Variants in PTPRF observed in about 807,000 individuals in gnomAD.
The protein encoded by PTPRF is protein tyrosine phosphatase receptor type F, also known as receptor-type tyrosine-protein phosphatase F.
In PTPRF, 59 loss-of-function variants were observed where a neutral mutation model predicts 201.8. The ratio of observed to expected loss-of-function variants is 0.29; its 90% CI spans 0.24 to 0.36. The LOEUF (loss-of-function observed/expected upper bound fraction) is 0.36, where lower values mean the gene tolerates loss of function less well. Among genes scored for constraint, PTPRF ranks in the 10% least tolerant of loss-of-function variants. The probability of loss-of-function intolerance (pLI) is 1.00; values close to 1 mark genes in which losing one functional copy is unlikely to be tolerated. For synonymous variants in PTPRF, 1,088 were observed against 1,089.7 expected, an observed-to-expected ratio of 1.00 and a Z score of 0.03; for missense variants, 2,132 against 2,690.5, an observed-to-expected ratio of 0.79 and a Z score of 4.59.
chr1:43,614,372 A>G (rs1341091603), intron 23 of PTPRF, among the ~76,000 whole-genome samples: 2 of 152,180 alleles, frequency 1.3e-5, no homozygotes, highest in African/African-American at 4.8e-5. Flanking sequence ...CTCAGGCTGT[A>G]CAAGTCCCGC....
rs1644112068 is a variant in PTPRF at position 43,537,734 on chromosome 1, A to C, written c.-125-464A>C. The stretch of plus-strand genomic sequence containing the variant: ...AGAGCATGGGTAGCCTGTGCCAGGC[A>C]GTGGCATTCAGCACTGGCAAGGCTG... On this transcript the variant is annotated intron_variant, in intron 1 of 33. Coordinates refer to ENST00000359947, the MANE Select transcript of PTPRF (RefSeq NM_002840.5). The surrounding 1 kb of genome is among the most constrained non-coding windows in gnomAD (Gnocchi z 4.8). Among the ~76,000 whole-genome samples the C allele has an allele frequency of 6.6e-6, 1 of 152,260 alleles. No individual in the cohort carries two copies. The highest frequency in any genetic ancestry group is 1.5e-5 in the Non-Finnish European group (1 of 68,048).
intron 21 of PTPRF, 103 bp from the exon 22 acceptor site, chr1:43,609,280 A>C: frequency 1.1e-6 from 1 of 871,528 alleles, no homozygotes; most frequent in South Asian, 1.6e-5. Flanking sequence ...CAGTAGGAGG[A>C]CAGAGCCGTG....
chr1:43,562,681 G>A (rs979339760), intron 5 of PTPRF, among the ~76,000 whole-genome samples: 56 of 152,046 alleles, frequency 3.7e-4, no homozygotes, highest in African/African-American at 1.3e-3. Context: ...CAGAGTGCTG[G>A]GATTACAGGC....
Position 43,591,260 on chromosome 1 carries a change from C to T in PTPRF, c.1238C>T (p.Pro413Leu), listed in dbSNP as rs1205526671. The stretch of plus-strand genomic sequence containing the variant: ...CGGGCACGCACGGGAGAACAGGCGC[C>T]CTCCAGCCCACCGCGCCGCGTGCAG... The part of the protein sequence containing the change: ...AVRARTGEQA[P>L]SSPPRRVQAR... Residue 413 changes from proline to leucine, a missense_variant, in exon 9 of 34, where the codon CCC becomes CTC. This residue lies in a region of PTPRF where 351 missense variants were observed against 401.7 expected (regional missense o/e 0.87). Transcript: ENST00000359947. The T allele has an allele frequency of 1.3e-6, 2 of 1,575,560 alleles. No homozygotes were observed. The highest frequency in any genetic ancestry group is 1.7e-6 in the Non-Finnish European group (2 of 1,162,588).
chr1:43,607,188 G>A (rs1655337017), intron 21 of PTPRF, among the ~76,000 whole-genome samples: 1 of 152,252 alleles, frequency 6.6e-6, no homozygotes, highest in Admixed American at 6.5e-5. Context: ...GCCTGGGCGT[G>A]AGGAACTAAA....
chr1:43,579,433 T>TCTTCCTGGAGC, intron 7 of PTPRF: 1 of 352,050 alleles, frequency 2.8e-6, no homozygotes, highest in Non-Finnish European at 5.6e-6. Flanking sequence ...TCTGGCCAGG[T>TCTTCCTGGAGC]CTTCCTGGAG....
chr1:43,615,538 A>G lies in PTPRF; in HGVS notation c.4071+1823A>G, dbSNP rs1570688546. 4.6e-5 allele frequency among the ~76,000 whole-genome samples: 6 copies of G among 131,422 alleles called. No individual in the cohort carries two copies. In the South Asian group the frequency reaches 1.3e-3, roughly 28 times the overall value. The allele number at this position is 131,422 out of a possible 152,430, so 86.2% of individuals were successfully genotyped here. A position where few individuals can be genotyped will look rare whatever the true frequency, so the allele number is the denominator to read the frequency against. On this transcript the variant is annotated intron_variant, in intron 23 of 33. Transcript: ENST00000359947. ...TGGGCTCTCCCTCAGCCAGGACCCC[A>G]TAGCTCTGTTGTCTTTTTTTTTTTT...
intron 5 of PTPRF, among the ~76,000 whole-genome samples, chr1:43,557,173 C>T (rs2153975973): frequency 6.6e-6 from 1 of 152,326 alleles, no homozygotes; most frequent in South Asian, 2.1e-4. Flanking sequence ...GGGAACAGGG[C>T]CTCCTTGTTA....
At chr1:43,611,983 C>G (rs1190230225) in intron 22 of PTPRF, among the ~76,000 whole-genome samples, 1 of 152,080 alleles carries the variant, frequency 6.6e-6, no homozygotes, top group Non-Finnish European at 1.5e-5. Context: ...GGGTGAGGGC[C>G]AGAAGGAGAC....
chr1:43,588,960 G>T lies in PTPRF; in HGVS notation c.909G>T (p.Ser303=), dbSNP rs374499040. The T allele has an allele frequency of 8.9e-6, 14 of 1,580,684 alleles. No homozygotes were observed. The Admixed American group carries it at 1.9e-4, about 21-fold the overall frequency. ...ACTACACCTGTGTGGCCATCTCCTC[G>T]CTGGGCATGATCGAGGCCACAGCCC... ...SANYTCVAIS[S]LGMIEATAQV... is the part of the protein sequence containing the mutation. Residue 303 remains serine (S), a synonymous_variant, in exon 8 of 34, where the codon TCG becomes TCT. Transcript: ENST00000359947. This position sits in a 1 kb window ranked among gnomAD's most constrained non-coding sequence, Gnocchi z 5.3.
chr1:43,572,233 T>C (rs1040777390), intron 6 of PTPRF, among the ~76,000 whole-genome samples: 5 of 151,226 alleles, frequency 3.3e-5, no homozygotes, highest in Non-Finnish European at 7.4e-5. Context: ...TCACACTTGG[T>C]GAGGTCAGCT....
At chr1:43,579,391 T>G (rs1647164170) in intron 7 of PTPRF, 7 of 366,404 alleles carry the variant, frequency 1.9e-5, no homozygotes, top group South Asian at 1.2e-4. Context: ...TAGTAAGGCC[T>G]CAGGAACGGA....
At chr1:43,565,930 G>T (rs1646144977) in intron 5 of PTPRF, among the ~76,000 whole-genome samples, 1 of 152,236 alleles carries the variant, frequency 6.6e-6, no homozygotes, top group Admixed American at 6.5e-5. Context: ...GCCTGGAGCG[G>T]GGAGGGGCCC....
intron 21 of PTPRF, among the ~76,000 whole-genome samples, chr1:43,608,081 C>A (rs1260417335): frequency 6.6e-6 from 1 of 152,246 alleles, no homozygotes; most frequent in Non-Finnish European, 1.5e-5. Flanking sequence ...AGAGTCCACT[C>A]CTTCCTCCCA....
intron 29 of PTPRF, 40 bp from the exon 30 acceptor site, chr1:43,620,055 A>T (rs746994946): frequency 9.9e-6 from 16 of 1,612,318 alleles, no homozygotes; most frequent in Non-Finnish European, 1.4e-5. Flanking sequence ...CTCTAGGGGC[A>T]GCAGCACCTC....
chr1:43,585,775 T>C (rs994502490), intron 7 of PTPRF, among the ~76,000 whole-genome samples: 2 of 152,134 alleles, frequency 1.3e-5, no homozygotes, highest in Non-Finnish European at 2.9e-5. Flanking sequence ...CCAGTCAAGT[T>C]TCTAGGTTGG....
intron 3 of PTPRF, among the ~76,000 whole-genome samples, chr1:43,552,115 GAA>G (rs55696384): frequency 4.0e-5 from 6 of 150,796 alleles, no homozygotes; most frequent in African/African-American, 7.3e-5. Flanking sequence ...AAGAAAAAAA[GAA>G]AAAAAAAATT....
At position 43,617,451 on chromosome 1, in the gene PTPRF, G is replaced by A. The variant is rs763477204; in HGVS notation, c.4078G>A (p.Asp1360Asn). The A allele has an allele frequency of 2.2e-5, 36 of 1,613,970 alleles. No homozygotes were observed. Among genetic ancestry groups the A allele is most frequent in the East Asian group, 6.7e-5 (3 of 44,872 alleles). ...CTTTCTCCATTCTCTGCAGTCCATC[G>A]ACCCTGGACAGCAGTTCACGTGGGA... ...LKFSQEYESI[D>N]PGQQFTWENS... Residue 1360 changes from aspartate to asparagine, a missense_variant, in exon 24 of 34, where the codon GAC becomes AAC. Asp to Asn is a conservative substitution (Grantham distance 23, BLOSUM62 1). Coordinates refer to ENST00000359947, the MANE Select transcript of PTPRF (RefSeq NM_002840.5).
chr1:43,578,442 G>C (rs1006553776), intron 6 of PTPRF, among the ~76,000 whole-genome samples: 1 of 152,216 alleles, frequency 6.6e-6, no homozygotes, highest in African/African-American at 2.4e-5. Flanking sequence ...CTGGCTTAGT[G>C]GGGCTGCGGG....
Sources: gnomAD v4.1 joint callset for allele counts (sites outside exome capture counted in the v4.1 genomes callset) on GRCh38, gnomAD v4.1.1 for gene constraint, gnomAD v4.1.1 regional missense constraint, Gnocchi (gnomAD v3.1) non-coding constraint, MANE v1.5 for transcripts, NCBI Gene and HGNC (gene_info 2026-07-23, HGNC 2026-07-21) for gene names.